Variants in PRKAG2 observed in about 807,000 individuals in gnomAD.
The protein encoded by PRKAG2 is 5'-AMP-activated protein kinase subunit gamma-2.
In PRKAG2, 26 loss-of-function variants were observed where a neutral mutation model predicts 69.6. That is an observed-to-expected ratio of 0.37 (90% CI 0.27 to 0.52). The LOEUF (loss-of-function observed/expected upper bound fraction) is 0.52, where lower values mean the gene tolerates loss of function less well. Among genes scored for constraint, PRKAG2 ranks in the 20% least tolerant of loss-of-function variants. The pLI is 0.90. For missense variants in PRKAG2, 557 were observed against 740.0 expected, an observed-to-expected ratio of 0.75 and a Z score of 2.87; for synonymous variants, 293 against 285.0, an observed-to-expected ratio of 1.03 and a Z score of -0.28.
chr7:151,831,939 C>T lies in PRKAG2; in HGVS notation c.114+44568G>A, dbSNP rs574216798. 2.4e-4 allele frequency among the ~76,000 whole-genome samples: 36 copies of T among 152,026 alleles called. 1 individual carries two copies. Among genetic ancestry groups the T allele is most frequent in the African/African-American group, 6.3e-4 (26 of 41,382 alleles). On this transcript the variant is annotated intron_variant, in intron 1 of 15. Coordinates refer to ENST00000287878, the MANE Select transcript of PRKAG2 (RefSeq NM_016203.4). ...GGGAGAGAGGGGCCAGATCTCAGAG[C>T]GGGGTGGCTGCTGCATCCACCAGAA...
chr7:151,863,169 G>A (rs1474425372), intron 1 of PRKAG2, among the ~76,000 whole-genome samples: 1 of 151,288 alleles, frequency 6.6e-6, no homozygotes, highest in Non-Finnish European at 1.5e-5. Context: ...AGGGGGCGCT[G>A]GTAGATCCCC....
At chr7:151,867,138 T>G (rs1405561760) in intron 1 of PRKAG2, among the ~76,000 whole-genome samples, 1 of 152,178 alleles carries the variant, frequency 6.6e-6, no homozygotes, top group African/African-American at 2.4e-5. Context: ...TCCTGGGGCC[T>G]TGGCCACCTC....
At chr7:151,872,938 T>A (rs2080254895) in intron 1 of PRKAG2, among the ~76,000 whole-genome samples, 1 of 152,240 alleles carries the variant, frequency 6.6e-6, no homozygotes, top group South Asian at 2.1e-4. Flanking sequence ...CATTGCCAGA[T>A]CAAATACAGG....
intron 1 of PRKAG2, among the ~76,000 whole-genome samples, chr7:151,867,538 T>C (rs2080110220): frequency 6.6e-6 from 1 of 152,186 alleles, no homozygotes; most frequent in African/African-American, 2.4e-5. Context: ...CCAGGCATAG[T>C]GGATGAGGGC....
At chr7:151,606,923 C>T (rs1440301258) in intron 5 of PRKAG2, among the ~76,000 whole-genome samples, 3 of 152,224 alleles carry the variant, frequency 2.0e-5, no homozygotes, top group Non-Finnish European at 4.4e-5. Flanking sequence ...TAACACAATG[C>T]TCCCTTCTTG....
intron 4 of PRKAG2, among the ~76,000 whole-genome samples, chr7:151,645,474 A>C (rs1585461943): frequency 1.3e-5 from 2 of 152,204 alleles, no homozygotes; most frequent in Non-Finnish European, 2.9e-5. Context: ...GGACTCAACT[A>C]AGCTGTACCT....
intron 5 of PRKAG2, among the ~76,000 whole-genome samples, chr7:151,610,633 C>T (rs771582906): frequency 6.6e-6 from 1 of 151,192 alleles, no homozygotes; most frequent in Non-Finnish European, 1.5e-5. Flanking sequence ...ACTGATATCG[C>T]GCCACTGCAC....
At chr7:151,809,008 G>A (rs142755791) in intron 1 of PRKAG2, among the ~76,000 whole-genome samples, 119 of 152,176 alleles carry the variant, frequency 7.8e-4, no homozygotes, top group Non-Finnish European at 1.6e-3. Flanking sequence ...CCTTCCAATC[G>A]TCCCCCTGGA....
chr7:151,749,676 A>G (rs1441841561), intron 3 of PRKAG2, among the ~76,000 whole-genome samples: 1 of 152,170 alleles, frequency 6.6e-6, no homozygotes, highest in Admixed American at 6.6e-5. Context: ...TCCCCAAAGA[A>G]GACACACAGG....
At chr7:151,681,085 G>GGT (rs1833820388) in intron 3 of PRKAG2, among the ~76,000 whole-genome samples, 1 of 152,074 alleles carries the variant, frequency 6.6e-6, no homozygotes, top group South Asian at 2.1e-4. Context: ...CACAAACCAC[G>GGT]GTGTCCGCTC....
intron 1 of PRKAG2, among the ~76,000 whole-genome samples, chr7:151,867,060 G>A (rs146800551): frequency 1.1e-4 from 17 of 152,282 alleles, no homozygotes; most frequent in African/African-American, 3.9e-4. Flanking sequence ...AGGAGGGGAC[G>A]CAAGGAAAGA....
At chr7:151,710,487 C>T (rs529518267) in intron 3 of PRKAG2, among the ~76,000 whole-genome samples, 78 of 152,300 alleles carry the variant, frequency 5.1e-4, no homozygotes, top group African/African-American at 1.6e-3. Flanking sequence ...CGAAGCTCTG[C>T]GGTGACCCCA....
chr7:151,862,639 C>T (rs1338683445), intron 1 of PRKAG2, among the ~76,000 whole-genome samples: 2 of 152,126 alleles, frequency 1.3e-5, no homozygotes, highest in South Asian at 2.1e-4. Context: ...TTTAAAGGAG[C>T]TTATGGTTTA....
intron 5 of PRKAG2, among the ~76,000 whole-genome samples, chr7:151,600,711 A>T (rs1815836264): frequency 6.6e-6 from 1 of 152,134 alleles, no homozygotes; most frequent in Non-Finnish European, 1.5e-5. Context: ...AGTCTCCTGT[A>T]GCCTTTGACC....
chr7:151,562,244 C>CAAAAAAAAAAAAAAAAAAAAAAAAAA (rs575674668), intron 14 of PRKAG2, among the ~76,000 whole-genome samples: 1 of 38,460 alleles, frequency 2.6e-5, no homozygotes, highest in Non-Finnish European at 6.2e-5. Context: ...GACTTTGTCT[C>CAAAAAAAAAAAAAAAAAAAAAAAAAA]AAAAAAAAAA....
intron 1 of PRKAG2, among the ~76,000 whole-genome samples, chr7:151,843,148 A>ACACATT (rs1419511824): frequency 1.3e-5 from 2 of 151,898 alleles, no homozygotes; most frequent in African/African-American, 4.9e-5. Flanking sequence ...TCCAAGCCCC[A>ACACATT]GTGTACCTAC....
intron 1 of PRKAG2, among the ~76,000 whole-genome samples, chr7:151,822,971 A>C (rs1428680127): frequency 1.3e-5 from 2 of 152,188 alleles, no homozygotes; most frequent in African/African-American, 4.8e-5. Flanking sequence ...GCCCGGCTCT[A>C]TCACTTGAAA....
At chr7:151,815,788 A>G (rs564525985) in intron 1 of PRKAG2, among the ~76,000 whole-genome samples, 107 of 152,182 alleles carry the variant, frequency 7.0e-4, no homozygotes, top group Non-Finnish European at 1.3e-3. Flanking sequence ...TTAGGAGAAA[A>G]TGAGGGTCCC....
chr7:151,809,965 T>A (rs1019651517), intron 1 of PRKAG2: 4 of 152,232 alleles, frequency 2.6e-5, no homozygotes, highest in Non-Finnish European at 5.9e-5. Context: ...GCCACAGCAA[T>A]GGGCCCCAAG....
Sources: gnomAD v4.1 joint callset for allele counts (sites outside exome capture counted in the v4.1 genomes callset) on GRCh38, gnomAD v4.1.1 for gene constraint, MANE v1.5 for transcripts, NCBI Gene and HGNC (gene_info 2026-07-23, HGNC 2026-07-21) for gene names.